Variants in PLEKHG3 observed in about 807,000 individuals in gnomAD.
PLEKHG3 encodes the protein pleckstrin homology domain-containing family G member 3.
A neutral mutation model predicts 94.9 loss-of-function variants in PLEKHG3; 62 were observed. The observed-to-expected ratio is 0.65, with a 90% CI of 0.53 to 0.81. The LOEUF (loss-of-function observed/expected upper bound fraction) is 0.81, where lower values mean the gene tolerates loss of function less well. Ranked by LOEUF, PLEKHG3 falls within the 30% of genes least tolerant of loss-of-function variation. The probability of loss-of-function intolerance (pLI) is 0.00; values close to 1 mark genes in which losing one functional copy is unlikely to be tolerated. For missense variants in PLEKHG3, 1,461 were observed against 1,619.3 expected (o/e 0.90, Z 1.68); for synonymous variants, 614 against 654.0 (o/e 0.94, Z 0.93).
chr14:64,709,711 A>C lies in PLEKHG3; in HGVS notation c.-40+5007A>C, dbSNP rs559111179. On this transcript the variant is annotated intron_variant, in intron 1 of 16. Coordinates refer to ENST00000247226, the MANE Select transcript of PLEKHG3 (RefSeq NM_001308147.2). The stretch of plus-strand genomic sequence containing the variant: ...AAGCTCTTAAAAACTCACATCCTTT[A>C]CTTCCTAGGCTGTGAGACTGTGTGT... Among the ~76,000 whole-genome samples, 27 of 147,122 alleles carry C rather than the reference A, an allele frequency of 1.8e-4. No individual in the cohort carries two copies. In the South Asian group the frequency reaches 5.7e-3, roughly 31 times the overall value.
chr14:64,736,633 C>T (rs891534238), intron 12 of PLEKHG3, among the ~76,000 whole-genome samples: 13 of 152,094 alleles, frequency 8.5e-5, no homozygotes, highest in African/African-American at 2.4e-4. Context: ...GTAGTCACAG[C>T]GGGGGTCCTG....
chr14:64,712,480 T>C (rs559730079), intron 1 of PLEKHG3, among the ~76,000 whole-genome samples: 2 of 152,364 alleles, frequency 1.3e-5, no homozygotes, highest in East Asian at 3.9e-4. Context: ...TTTTAGGTCT[T>C]CTTTAATTTC....
At chr14:64,737,974 T>TGGTGGA (rs1566713323) in intron 14 of PLEKHG3, 2 of 1,208,648 alleles carry the variant, frequency 1.7e-6, no homozygotes, top group South Asian at 2.8e-5. Flanking sequence ...GAGGAGGAGG[T>TGGTGGA]GGTGGAGGAG....
In PLEKHG3 at chr14:64,727,960, AGGACC is replaced by A; in HGVS notation, c.330_334del (p.Gln110HisfsTer14). 1 of 1,590,074 alleles carries A rather than the reference AGGACC, an allele frequency of 6.3e-7. No individual in the cohort carries two copies. The highest frequency in any genetic ancestry group is 8.6e-7 in the Non-Finnish European group (1 of 1,162,094). On this transcript the variant is annotated frameshift_variant, in exon 2 of 17. Coordinates refer to ENST00000247226, the MANE Select transcript of PLEKHG3 (RefSeq NM_001308147.2). LOFTEE classifies it high-confidence loss of function. This position sits in a 1 kb window ranked among gnomAD's most constrained non-coding sequence, Gnocchi z 6.0. Reference sequence around the variant, plus strand: ...GTGGAGACAGAGCGCATGTACGTACAGGACCTGCGCAGCATCGTGGAGGTGCGTGT... The same window carrying A: ...GTGGAGACAGAGCGCATGTACGTACATGCGCAGCATCGTGGAGGTGCGTGT...
Position 64,727,879 on chromosome 14 carries a change from C to T in PLEKHG3, c.248C>T (p.Ala83Val), listed in dbSNP as rs376619679. Residue 83 changes from alanine to valine, a missense_variant, in exon 2 of 17, where the codon GCG (alanine) becomes GTG (valine). Physicochemically the swap from Ala to Val is moderately conservative, Grantham distance 64 (BLOSUM62 0). This residue lies in a region of PLEKHG3 where 253 missense variants were observed against 297.8 expected (regional missense o/e 0.85). Transcript: ENST00000247226. The surrounding 1 kb of genome is among the most constrained non-coding windows in gnomAD (Gnocchi z 6.0). The part of the protein sequence containing the change: ...GPLSPFNSRA[A>V]AGPAHHKLSY... ...CTCTCCCCGTTCAACAGCCGGGCAG[C>T]GGCAGGGCCTGCACACCACAAGCTC... The T allele has an allele frequency of 2.7e-5, 44 of 1,612,914 alleles. No individual in the cohort carries two copies. The highest frequency in any genetic ancestry group is 2.4e-4 in the African/African-American group (18 of 74,924).
In PLEKHG3 at chr14:64,741,186, C is replaced by T. The variant is rs1481368272; in HGVS notation, c.1669C>T (p.Pro557Ser). ...AHQGLLGMDP[P>S]GDMVDFVAAE... ...CCAGGGCCTTCTGGGGATGGACCCCCCAGGTGACATGGTGGACTTCGTGGC... is the reference window on the plus strand; with the variant it reads ...CCAGGGCCTTCTGGGGATGGACCCCTCAGGTGACATGGTGGACTTCGTGGC... Residue 557 changes from proline (P) to serine (S), a missense_variant, in exon 16 of 17, where the codon CCA becomes TCA. This residue lies in a region of PLEKHG3 where 1,201 missense variants were observed against 1,295.5 expected (regional missense o/e 0.93). Coordinates refer to ENST00000247226, the MANE Select transcript of PLEKHG3 (RefSeq NM_001308147.2). The T allele has an allele frequency of 6.2e-7, 1 of 1,614,130 alleles. No homozygotes were observed. Among genetic ancestry groups the T allele is most frequent in the Non-Finnish European group, 8.5e-7 (1 of 1,180,028 alleles).
rs750047494 is a variant in PLEKHG3, at chr14:64,749,974, G to C, written c.*6271G>C. The C allele has an allele frequency of 9.3e-6, 15 of 1,614,206 alleles. No homozygotes were observed. The Admixed American group carries it at 1.3e-4, about 14-fold the overall frequency. On this transcript the variant is annotated 3_prime_UTR_variant, in exon 17 of 17. Transcript: ENST00000247226. This position sits in a 1 kb window ranked among gnomAD's most constrained non-coding sequence, Gnocchi z 4.7. The stretch of plus-strand genomic sequence containing the variant: ...ACCCGAGCTTTCAAAGGCCAGGAAG[G>C]CCTCACCTCAGCTTAAAGACGTGCT...
rs139246454 is a variant in PLEKHG3, at chr14:64,739,147, C to T, written c.1518+292C>T. Among the ~76,000 whole-genome samples the T allele has an allele frequency of 5.2e-3, 789 of 152,294 alleles. 9 individuals are homozygous for T. Among genetic ancestry groups the T allele is most frequent in the Middle Eastern group, 0.02 (6 of 294 alleles). ...AATGAACCAGGTATTAGGCTCCTTT[C>T]GTTAGGCCACCTTGTATGGGTTATA... On this transcript the variant is annotated intron_variant, in intron 15 of 16. Coordinates refer to ENST00000247226, the MANE Select transcript of PLEKHG3 (RefSeq NM_001308147.2). The surrounding 1 kb of genome is among the most constrained non-coding windows in gnomAD (Gnocchi z 4.1).
intron 12 of PLEKHG3, among the ~76,000 whole-genome samples, chr14:64,733,164 C>CTTTTT (rs112116298): frequency 4.4e-5 from 6 of 135,356 alleles, no homozygotes; most frequent in Non-Finnish European, 1.6e-5. Context: ...TTTTCTTTTT[C>CTTTTT]TTTTTTTTTT....
rs373884141 is a variant in PLEKHG3 at position 64,741,290 on chromosome 14, G to C, written c.1773G>C (p.Glu591Asp). ...EEMGGAAQEP[E>D]SLLPPSVLDQ... ...TGGGAGGTGCCGCCCAGGAGCCTGA[G>C]AGCCTTCTGCCACCCTCTGTGCTGG... Residue 591 changes from glutamate (E) to aspartate (D), a missense_variant, in exon 16 of 17, where the codon GAG becomes GAC. Physicochemically the swap from Glu to Asp is conservative, Grantham distance 45. Around this residue, in one of 3 missense-constraint regions of PLEKHG3, gnomAD observed 1,201 missense variants for 1,295.5 expected, o/e 0.93. Transcript: ENST00000247226. 1.2e-6 allele frequency: 2 copies of C among 1,613,864 alleles called. No homozygotes were observed. The highest frequency in any genetic ancestry group is 1.7e-5 in the Admixed American group (1 of 60,032).
rs914778967 is a variant in PLEKHG3, at chr14:64,722,828, TGGGC to T, written c.-39-4764_-39-4761del. Among the ~76,000 whole-genome samples the T allele has an allele frequency of 2.6e-5, 4 of 151,904 alleles. No individual in the cohort carries two copies. The highest frequency in any genetic ancestry group is 9.7e-5 in the African/African-American group (4 of 41,328). The stretch of plus-strand genomic sequence containing the variant: ...GCCTGGGAGGGAGAGCCAGTGGGAG[TGGGC>T]TGACTCCTGGGCATTCCCCAAGACC... On this transcript the variant is annotated intron_variant, in intron 1 of 16. Transcript: ENST00000247226. This position sits in a 1 kb window ranked among gnomAD's most constrained non-coding sequence, Gnocchi z 4.3.
intron 14 of PLEKHG3, chr14:64,737,946 CAGGAGG>C: frequency 8.1e-7 from 1 of 1,233,930 alleles, no homozygotes; most frequent in Non-Finnish European, 1.0e-6. Context: ...AGGGGCTACC[CAGGAGG>C]AGGAAGAGGA....
At chr14:64,712,854 T>C (rs2081083067) in intron 1 of PLEKHG3, among the ~76,000 whole-genome samples, 1 of 152,328 alleles carries the variant, frequency 6.6e-6, no homozygotes, top group East Asian at 1.9e-4. Flanking sequence ...TCGAATATAG[T>C]GGCAAGACTG....
chr14:64,742,996 G>A lies in PLEKHG3; in HGVS notation c.2953G>A (p.Val985Met). 6.2e-7 allele frequency: 1 copy of A among 1,613,298 alleles called. No individual in the cohort carries two copies. Among genetic ancestry groups the A allele is most frequent in the East Asian group, 2.2e-5 (1 of 44,874 alleles). ...TCTCCTCATAGGTAAGAGGAAGCCG[G>A]TGCTGTCTCTATTTGACTATGAGCA... ...PLGGKGKRKP[V>M]LSLFDYEQLM... The change falls in exon 17 of 17, where the codon GTG becomes ATG. Residue 985 changes from valine to methionine, a missense_variant. By Grantham distance (21) the Val-to-Met change is conservative (BLOSUM62 1). This residue lies in a region of PLEKHG3 where 1,201 missense variants were observed against 1,295.5 expected (regional missense o/e 0.93). Transcript: ENST00000247226.
chr14:64,743,912 A>G lies in PLEKHG3; in HGVS notation c.*209A>G. 2.0e-6 allele frequency: 1 copy of G among 494,280 alleles called. No individual in the cohort carries two copies. The highest frequency in any genetic ancestry group is 3.5e-6 in the Non-Finnish European group (1 of 285,504). 30.6% of individuals were successfully genotyped at this position (494,280 alleles called of 1,614,324 possible). On this transcript the variant is annotated 3_prime_UTR_variant, in exon 17 of 17. Coordinates refer to ENST00000247226, the MANE Select transcript of PLEKHG3 (RefSeq NM_001308147.2). The surrounding 1 kb of genome is among the most constrained non-coding windows in gnomAD (Gnocchi z 7.2). Reference sequence around the variant, plus strand: ...TGGGGCTCGAGACAATTTCCCACTCACCTGTGAGGCCGGTGTGGCTGCTTC... The same window carrying G: ...TGGGGCTCGAGACAATTTCCCACTCGCCTGTGAGGCCGGTGTGGCTGCTTC...
rs766572213 is a variant in PLEKHG3 at position 64,730,904 on chromosome 14, G to A, written c.672G>A (p.Leu224=). 6.2e-7 allele frequency: 1 copy of A among 1,613,108 alleles called. No homozygotes were observed. The highest frequency in any genetic ancestry group is 8.5e-7 in the Non-Finnish European group (1 of 1,180,008). The change falls in exon 6 of 17, where the codon CTG becomes CTA. Residue 224 remains leucine (L), a synonymous_variant. Transcript: ENST00000247226. This position sits in a 1 kb window ranked among gnomAD's most constrained non-coding sequence, Gnocchi z 5.4. ...LQHSLPLGSY[L]LKPVQRILKY... is the part of the protein sequence containing the mutation. ...ACTCGCTGCCCTTGGGCTCCTACCT[G>A]CTGAAGCCAGTCCAGCGCATCCTCA...
Position 64,729,093 on chromosome 14 carries a change from GGT to G in PLEKHG3, c.449+6_449+7del. On this transcript the variant is annotated splice_donor_variant, in intron 3 of 16. Transcript: ENST00000247226. LOFTEE classifies it high-confidence loss of function. ...ATAGAAAATATCTACGCGCTGAACA[GGT>G]GTGTGAATGGGCCTGACACTCACCA... 6.9e-7 allele frequency: 1 copy of G among 1,445,892 alleles called. No homozygotes were observed. The highest frequency in any genetic ancestry group is 1.4e-5 in the African/African-American group (1 of 71,142). 89.6% of individuals were successfully genotyped at this position (1,445,892 alleles called of 1,614,324 possible).
chr14:64,716,116 C>T lies in PLEKHG3; in HGVS notation c.-40+11412C>T, dbSNP rs545103717. On this transcript the variant is annotated intron_variant, in intron 1 of 16. Coordinates refer to ENST00000247226, the MANE Select transcript of PLEKHG3 (RefSeq NM_001308147.2). This position sits in a 1 kb window ranked among gnomAD's most constrained non-coding sequence, Gnocchi z 5.0. ...CGGTAGGTACCCGGCTGGGGCCAGG[C>T]CAGGGGATGGGAATGGGGTGGGATG... 28 of 454,246 alleles carry T rather than the reference C, an allele frequency of 6.2e-5. No homozygotes were observed. The highest frequency in any genetic ancestry group is 5.0e-4 in the African/African-American group (25 of 50,118). 28.1% of individuals were successfully genotyped at this position (454,246 alleles called of 1,614,324 possible). A position where few individuals can be genotyped will look rare whatever the true frequency, so the allele number is the denominator to read the frequency against.
Position 64,743,400 on chromosome 14 carries a change from G to GC in PLEKHG3, c.3361dup (p.Gln1121ProfsTer89). ...AGGCTGCCCAATCCCCTGGGCCTCT[G>GC]CCCCAGAGCAAGCCGGATGGAGGCG... On this transcript the variant is annotated frameshift_variant, in exon 17 of 17. Transcript: ENST00000247226. LOFTEE classifies it low-confidence loss of function (END_TRUNC). The surrounding 1 kb of genome is among the most constrained non-coding windows in gnomAD (Gnocchi z 7.2). 6.2e-7 allele frequency: 1 copy of GC among 1,610,040 alleles called. No individual in the cohort carries two copies. Among genetic ancestry groups the GC allele is most frequent in the Non-Finnish European group, 8.5e-7 (1 of 1,177,858 alleles).
Sources: allele counts gnomAD v4.1 joint callset (sites outside exome capture counted in the v4.1 genomes callset), GRCh38; gene constraint gnomAD v4.1.1; regional missense constraint gnomAD v4.1.1; non-coding constraint Gnocchi (gnomAD v3.1); transcripts MANE v1.5; gene names NCBI Gene and HGNC (gene_info 2026-07-23, HGNC 2026-07-21).